BRCA2: variants seen among roughly 807,000 people sequenced by gnomAD.
BRCA2 encodes BRCA2 DNA repair associated.
BRCA2 carries 203 observed loss-of-function variants against 276.7 expected under a neutral mutation model. The observed-to-expected ratio is 0.73, with a 90% confidence interval of 0.65 to 0.82. BRCA2 has a LOEUF of 0.82. Among genes scored for constraint, BRCA2 ranks in the 40% least tolerant of loss-of-function variants. The pLI is 0.00. For synonymous variants in BRCA2, 1,289 were observed against 1,338.4 expected (o/e 0.96, Z 0.81); for missense variants, 3,920 against 3,915.0 (o/e 1.00, Z -0.03).
At position 32,362,556 on chromosome 13, in the gene BRCA2, G is replaced by A. The variant is rs1057522791; in HGVS notation, c.7839G>A (p.Lys2613=). ...GTGACACTCCAGGTGTGGATCCAAA[G>A]CTTATTTCTAGAATTTGGGTTTATA... is the stretch of plus-strand genomic sequence containing the variant. The part of the protein sequence containing the change: ...ALCDTPGVDP[K]LISRIWVYNH... Residue 2613 remains lysine (K), a synonymous_variant, in exon 17 of 27, where the codon AAG becomes AAA. Coordinates refer to ENST00000380152, the MANE Select transcript of BRCA2 (RefSeq NM_000059.4). 1.2e-6 allele frequency: 2 copies of A among 1,613,750 alleles called. No individual in the cohort carries two copies. Among genetic ancestry groups the A allele is most frequent in the South Asian group, 2.2e-5 (2 of 91,056 alleles).
Position 32,394,739 on chromosome 13 carries a change from A to G in BRCA2, c.9307A>G (p.Ile3103Val), listed in dbSNP as rs80359203. The change falls in exon 25 of 27, where the codon ATA becomes GTA. Residue 3103 changes from isoleucine to valine, a missense_variant. By Grantham distance (29) the Ile-to-Val change is conservative (BLOSUM62 3). Transcript: ENST00000380152. ...LSDECYNLLA[I>V]KFWIDLNEDI... ...AGACGAATGTTACAATTTACTGGCA[A>G]TAAAGTTTTGGATAGACCTTAATGA... 3 of 1,614,004 alleles carry G rather than the reference A, an allele frequency of 1.9e-6. No homozygotes were observed. Among genetic ancestry groups the G allele is most frequent in the Non-Finnish European group, 2.5e-6 (3 of 1,179,940 alleles).
chr13:32,336,819 T>C lies in BRCA2; in HGVS notation c.2464T>C (p.Cys822Arg), dbSNP rs80358512. The C allele has an allele frequency of 3.7e-6, 6 of 1,604,882 alleles. No individual in the cohort carries two copies. Among genetic ancestry groups the C allele is most frequent in the Non-Finnish European group, 3.4e-6 (4 of 1,177,590 alleles). Residue 822 changes from cysteine (C) to arginine (R), a missense_variant, in exon 11 of 27, where the codon TGT becomes CGT. By Grantham distance (180) the Cys-to-Arg change is radical (BLOSUM62 -3). Coordinates refer to ENST00000380152, the MANE Select transcript of BRCA2 (RefSeq NM_000059.4). ...NIPMEKNQDVCALNENYKNVE... is the reference protein window; with the variant it reads ...NIPMEKNQDVRALNENYKNVE... ...TCCCATGGAAAAGAATCAAGATGTA[T>C]GTGCTTTAAATGAAAATTATAAAAA...
chr13:32,335,207 T>C (rs899049005), intron 10 of BRCA2, among the ~76,000 whole-genome samples: 1 of 151,984 alleles, frequency 6.6e-6, no homozygotes, highest in Non-Finnish European at 1.5e-5. Flanking sequence ...TATCCAGATG[T>C]GGTGGCATGT....
Position 32,376,800 on chromosome 13 carries a change from G to A in BRCA2, c.8754+9G>A, listed in dbSNP as rs749435255. 1.2e-6 allele frequency: 2 copies of A among 1,613,860 alleles called. No individual in the cohort carries two copies. Among genetic ancestry groups the A allele is most frequent in the Non-Finnish European group, 1.7e-6 (2 of 1,179,874 alleles). On this transcript the variant is annotated intron_variant, in intron 21 of 26. Transcript: ENST00000380152. ...ACCCAGCTTACCTTGAGGTGAGAGA[G>A]TAAGAGGACATATAATGAGGCTTGA...
chr13:32,394,474 A>G (rs968767109), intron 24 of BRCA2, among the ~76,000 whole-genome samples: 8 of 152,222 alleles, frequency 5.3e-5, no homozygotes, highest in African/African-American at 1.9e-4. Context: ...GACCTCAGTA[A>G]AAGAATGTGT....
chr13:32,329,015 A>T (rs1177069507), intron 7 of BRCA2, among the ~76,000 whole-genome samples: 2 of 152,218 alleles, frequency 1.3e-5, no homozygotes, highest in Admixed American at 6.5e-5. Context: ...GGAGTAAGTT[A>T]ACCCTATTCT....
intron 4 of BRCA2, 43 bp from the exon 5 acceptor site, chr13:32,326,058 G>T: frequency 6.4e-7 from 1 of 1,556,602 alleles, no homozygotes; most frequent in Non-Finnish European, 8.8e-7. Flanking sequence ...GTTTTTGCCA[G>T]TTTTTTAAAA....
At chr13:32,331,325 A>G (rs1352058921) in intron 9 of BRCA2, among the ~76,000 whole-genome samples, 1 of 152,184 alleles carries the variant, frequency 6.6e-6, no homozygotes, top group African/African-American at 2.4e-5. Flanking sequence ...AATTGGCACC[A>G]TTGAAGGATT....
chr13:32,317,538 C>T (rs1011935647), intron 2 of BRCA2, among the ~76,000 whole-genome samples: 1 of 152,048 alleles, frequency 6.6e-6, no homozygotes, highest in Non-Finnish European at 1.5e-5. Flanking sequence ...ATAGATATAC[C>T]ATAGGTCTTT....
At chr13:32,374,179 C>T (rs1566250444) in intron 20 of BRCA2, among the ~76,000 whole-genome samples, 2 of 152,256 alleles carry the variant, frequency 1.3e-5, no homozygotes, top group Non-Finnish European at 2.9e-5. Context: ...CCCACAAAAC[C>T]ATTTTTCCCT....
In BRCA2 at chr13:32,340,283, G is replaced by T. The variant is rs752858082; in HGVS notation, c.5928G>T (p.Gly1976=). 3.3e-5 allele frequency: 54 copies of T among 1,613,830 alleles called. No homozygotes were observed. The highest frequency in any genetic ancestry group is 4.2e-5 in the Non-Finnish European group (50 of 1,179,904). ...HKSVSSANTC[G]IFSTASGKSV... is the part of the protein sequence containing the mutation. ...CAGTCTCATCTGCAAATACTTGTGG[G>T]ATTTTTAGCACAGCAAGTGGAAAAT... is the stretch of plus-strand genomic sequence containing the variant. The change falls in exon 11 of 27, where the codon GGG becomes GGT. Residue 1976 remains glycine (G), a synonymous_variant. Coordinates refer to ENST00000380152, the MANE Select transcript of BRCA2 (RefSeq NM_000059.4).
In BRCA2 at chr13:32,316,413, G is replaced by C. The variant is rs2138697597; in HGVS notation, c.-39-9G>C. The C allele has an allele frequency of 2.6e-6, 4 of 1,554,100 alleles. No homozygotes were observed. In the South Asian group the frequency reaches 4.5e-5, roughly 17 times the overall value. On this transcript the variant is annotated splice_polypyrimidine_tract_variant and intron_variant, in intron 1 of 26. Transcript: ENST00000380152. ...CTGTGTAAGTGCATTTTGGTCTTCTGTTTTGCAGACTTATTTACCAAGCAT... is the reference window on the plus strand; with the variant it reads ...CTGTGTAAGTGCATTTTGGTCTTCTCTTTTGCAGACTTATTTACCAAGCAT...
At chr13:32,379,604 TAA>T in intron 22 of BRCA2, 89 bp downstream of exon 22, 1 of 1,536,352 alleles carries the variant, frequency 6.5e-7, no homozygotes, top group Non-Finnish European at 8.9e-7. Flanking sequence ...AGATAAAGTA[TAA>T]AGTTAGTTTA....
rs863224318 is a variant in BRCA2, at chr13:32,379,334, G to A, written c.8772G>A (p.Glu2924=). 6.2e-7 allele frequency: 1 copy of A among 1,613,576 alleles called. No homozygotes were observed. Among genetic ancestry groups the A allele is most frequent in the Non-Finnish European group, 8.5e-7 (1 of 1,179,818 alleles). The change falls in exon 22 of 27, where the codon GAG becomes GAA. Residue 2924 remains glutamate, a synonymous_variant. Coordinates refer to ENST00000380152, the MANE Select transcript of BRCA2 (RefSeq NM_000059.4). ...GGTCACAGGGTTATTTCAGTGAAGA[G>A]CAGTTAAGAGCCTTGAATAATCACA... ...PAYLEGYFSE[E]QLRALNNHRQ...
At chr13:32,372,235 C>T (rs1001699095) in intron 20 of BRCA2, among the ~76,000 whole-genome samples, 2 of 152,218 alleles carry the variant, frequency 1.3e-5, no homozygotes, top group Non-Finnish European at 2.9e-5. Flanking sequence ...CCTTTGTTGT[C>T]ATTTCAACAA....
At chr13:32,354,058 A>G (rs939857819) in intron 13 of BRCA2, among the ~76,000 whole-genome samples, 3 of 152,198 alleles carry the variant, frequency 2.0e-5, no homozygotes, top group Non-Finnish European at 4.4e-5. Context: ...ACTTTTTTTG[A>G]GGAATCAGGA....
Position 32,338,787 on chromosome 13 carries a change from C to T in BRCA2, c.4432C>T (p.Leu1478=), listed in dbSNP as rs1593902355. The T allele has an allele frequency of 1.2e-6, 2 of 1,612,762 alleles. No homozygotes were observed. The highest frequency in any genetic ancestry group is 1.7e-6 in the Non-Finnish European group (2 of 1,179,522). Residue 1478 remains leucine, a synonymous_variant, in exon 11 of 27, where the codon CTA becomes TTA. Coordinates refer to ENST00000380152, the MANE Select transcript of BRCA2 (RefSeq NM_000059.4). ...SDIRKNKMDI[L]SYEETDIVKH... ...CATAAGAAAGAACAAAATGGACATT[C>T]TAAGTTATGAGGAAACAGACATAGT...
chr13:32,344,558 G>A lies in BRCA2; in HGVS notation c.6842G>A (p.Gly2281Glu), dbSNP rs80358908. 1.3e-6 allele frequency: 2 copies of A among 1,509,816 alleles called. No homozygotes were observed. Among genetic ancestry groups the A allele is most frequent in the South Asian group, 1.1e-5 (1 of 87,278 alleles). 93.5% of individuals were successfully genotyped at this position (1,509,816 alleles called of 1,614,324 possible). The change falls in exon 12 of 27, where the codon GGA (glycine) becomes GAA (glutamate). Residue 2281 changes from glycine (G) to glutamate (E), a missense_variant and splice_region_variant. Coordinates refer to ENST00000380152, the MANE Select transcript of BRCA2 (RefSeq NM_000059.4). ...ACATATATGAAATATTTCTTTTTAG[G>A]AGAACCCTCAATCAAAAGAAACTTA... ...KRRGEPLILVGEPSIKRNLLN... is the reference protein window; with the variant it reads ...KRRGEPLILVEEPSIKRNLLN...
rs1173590589 is a variant in BRCA2 at position 32,398,261 on chromosome 13, T to A, written c.9748T>A (p.Ser3250Thr). 1 of 1,614,178 alleles carries A rather than the reference T, an allele frequency of 6.2e-7. No homozygotes were observed. Reference sequence around the variant, plus strand: ...CACACCTGTCTCAGCCCAGATGACTTCAAAGTCTTGTAAAGGGGAGAAAGA... The same window carrying A: ...CACACCTGTCTCAGCCCAGATGACTACAAAGTCTTGTAAAGGGGAGAAAGA... ...VSTPVSAQMT[S>T]KSCKGEKEID... is the part of the protein sequence containing the mutation. The change falls in exon 27 of 27, where the codon TCA (serine) becomes ACA (threonine). Residue 3250 changes from serine to threonine, a missense_variant. Ser to Thr is a moderately conservative substitution (Grantham distance 58, BLOSUM62 1). This residue lies in a region of BRCA2 where 657 missense variants were observed against 758.2 expected (regional missense o/e 0.87). Transcript: ENST00000380152.
Sources: allele counts gnomAD v4.1 joint callset (sites outside exome capture counted in the v4.1 genomes callset), GRCh38; gene constraint gnomAD v4.1.1; regional missense constraint gnomAD v4.1.1; transcripts MANE v1.5; gene names NCBI Gene and HGNC (gene_info 2026-07-23, HGNC 2026-07-21).